DGLUCY: variants seen among roughly 807,000 people sequenced by gnomAD.
DGLUCY encodes the protein D-glutamate cyclase, mitochondrial.
In DGLUCY, 58 loss-of-function variants were observed where a neutral mutation model predicts 58.5. The observed-to-expected ratio is 0.99, with a 90% CI of 0.80 to 1.23. DGLUCY has a LOEUF of 1.23. Among genes scored for constraint, DGLUCY ranks in the 50% most tolerant of loss-of-function variants. The pLI is 0.00. For missense variants in DGLUCY, 779 were observed against 784.7 expected (o/e 0.99, Z 0.09); for synonymous variants, 325 against 314.1 (o/e 1.03, Z -0.37).
intron 1 of DGLUCY, among the ~76,000 whole-genome samples, chr14:91,079,119 G>A (rs112793375): frequency 2.0e-5 from 3 of 151,746 alleles, no homozygotes; most frequent in East Asian, 1.9e-4. Flanking sequence ...GGCCAGGCTG[G>A]TCTCAAACTC....
intron 12 of DGLUCY, 55 bp downstream of exon 12, chr14:91,204,880 G>T: frequency 1.2e-6 from 2 of 1,609,744 alleles, no homozygotes; most frequent in Admixed American, 1.7e-5. Flanking sequence ...GAGCGACCTG[G>T]CTTGGAGCCT....
At chr14:91,061,847 G>A (rs1016688674) in intron 1 of DGLUCY, among the ~76,000 whole-genome samples, 1 of 152,198 alleles carries the variant, frequency 6.6e-6, no homozygotes, top group Non-Finnish European at 1.5e-5. Flanking sequence ...ACTGAAAAGA[G>A]GAGAGAGATA....
chr14:91,189,075 C>T lies in DGLUCY; in HGVS notation c.1100C>T (p.Ala367Val), dbSNP rs546576697. ...CCACCAGGAGCTGTTGCTCTGGTTG[C>T]CTTCCTGCAGGCCTTGGAGAAGGAG... The part of the protein sequence containing the change: ...DGPPGAVALV[A>V]FLQALEKEVA... Residue 367 changes from alanine to valine, a missense_variant, in exon 9 of 14, where the codon GCC (alanine) becomes GTC (valine). Coordinates refer to ENST00000256324, the MANE Select transcript of DGLUCY (RefSeq NM_001102368.3). The T allele has an allele frequency of 5.6e-6, 9 of 1,614,154 alleles. No individual in the cohort carries two copies. The African/African-American group carries it at 9.3e-5, about 17-fold the overall frequency.
chr14:91,199,240 T>G (rs969124172), intron 10 of DGLUCY, among the ~76,000 whole-genome samples: 1 of 151,492 alleles, frequency 6.6e-6, no homozygotes, highest in Non-Finnish European at 1.5e-5. Flanking sequence ...ACTAAAGAAA[T>G]TGCTGAGGAT....
At chr14:91,127,513 C>T (rs914318000) in intron 1 of DGLUCY, among the ~76,000 whole-genome samples, 2 of 152,258 alleles carry the variant, frequency 1.3e-5, no homozygotes, top group South Asian at 4.1e-4. Context: ...TGGCCTCTGC[C>T]CCAACACACT....
At chr14:91,151,017 T>C (rs1460874698) in intron 1 of DGLUCY, among the ~76,000 whole-genome samples, 2 of 152,190 alleles carry the variant, frequency 1.3e-5, no homozygotes, top group Non-Finnish European at 2.9e-5. Flanking sequence ...GCTTTCCATG[T>C]CTGTCCATCT....
exon 1 of DGLUCY, chr14:91,060,540 G>C: frequency 1.6e-6 from 2 of 1,215,408 alleles, no homozygotes; most frequent in South Asian, 7.0e-5. Context: ...GTCGGGGTGC[G>C]GCGGCTCCAG....
intron 1 of DGLUCY, among the ~76,000 whole-genome samples, chr14:91,123,049 G>C (rs2045477012): frequency 6.6e-6 from 1 of 152,156 alleles, no homozygotes. Context: ...CAGGAGACAG[G>C]CACCTGAGCC....
At chr14:91,197,975 A>G (rs967555870) in intron 10 of DGLUCY, among the ~76,000 whole-genome samples, 1 of 152,234 alleles carries the variant, frequency 6.6e-6, no homozygotes, top group Non-Finnish European at 1.5e-5. Context: ...ATACTATTTT[A>G]TATAGCAGAG....
At chr14:91,194,697 C>A (rs1056231586) in intron 9 of DGLUCY, among the ~76,000 whole-genome samples, 1 of 152,038 alleles carries the variant, frequency 6.6e-6, no homozygotes, top group Non-Finnish European at 1.5e-5. Flanking sequence ...CCCGCCACCA[C>A]GCCCAGCTAA....
At position 91,189,001 on chromosome 14, in the gene DGLUCY, T is replaced by A; in HGVS notation, c.1026T>A (p.Thr342=). 6.2e-7 allele frequency: 1 copy of A among 1,614,190 alleles called. No homozygotes were observed. The highest frequency in any genetic ancestry group is 8.5e-7 in the Non-Finnish European group (1 of 1,180,028). The change falls in exon 9 of 14, where the codon ACT becomes ACA. Residue 342 remains threonine, a synonymous_variant. Coordinates refer to ENST00000256324, the MANE Select transcript of DGLUCY (RefSeq NM_001102368.3). ...ATGCCCGCTCAGTGCTCATCACCAC[T>A]GGGTTCCCCACACATTTCAATCATG... The part of the protein sequence containing the change: ...LSHARSVLIT[T]GFPTHFNHEP...
chr14:91,178,657 T>C (rs1453077695), intron 7 of DGLUCY, among the ~76,000 whole-genome samples: 2 of 152,234 alleles, frequency 1.3e-5, no homozygotes, highest in South Asian at 2.1e-4. Context: ...TCAAGACTTT[T>C]TCCCCTTACA....
intron 1 of DGLUCY, among the ~76,000 whole-genome samples, chr14:91,098,820 A>G (rs76937502): frequency 4.4e-4 from 67 of 152,376 alleles, no homozygotes; most frequent in African/African-American, 1.5e-3. Flanking sequence ...TACACTCAGT[A>G]CATATTTATG....
chr14:91,191,293 G>A (rs1358371847), intron 9 of DGLUCY, among the ~76,000 whole-genome samples: 4 of 152,200 alleles, frequency 2.6e-5, no homozygotes, highest in African/African-American at 7.2e-5. Flanking sequence ...CCAGTGGCTG[G>A]GAGGAGAGGG....
intron 5 of DGLUCY, among the ~76,000 whole-genome samples, chr14:91,171,666 C>T (rs375656811): frequency 1.3e-5 from 2 of 152,234 alleles, no homozygotes; most frequent in African/African-American, 4.8e-5. Context: ...GTGGCCAAGA[C>T]TGTCACAGTG....
chr14:91,137,949 G>A (rs2046436885), intron 1 of DGLUCY, among the ~76,000 whole-genome samples: 1 of 152,066 alleles, frequency 6.6e-6, no homozygotes, highest in African/African-American at 2.4e-5. Context: ...GCATGACAAA[G>A]CACCAAACTT....
upstream of DGLUCY, among the ~76,000 whole-genome samples, chr14:91,103,068 C>T (rs891684664): frequency 6.6e-6 from 1 of 151,960 alleles, no homozygotes; most frequent in Non-Finnish European, 1.5e-5. Context: ...GGCACCCCCT[C>T]CGTTCTTGAT....
At chr14:91,207,188 A>G (rs1884883232) in intron 12 of DGLUCY, among the ~76,000 whole-genome samples, 1 of 136,080 alleles carries the variant, frequency 7.3e-6, no homozygotes, top group African/African-American at 2.6e-5. Flanking sequence ...GAGGAAGTAG[A>G]TAGAGATCAA....
At chr14:91,206,484 A>G (rs1884726439) in intron 12 of DGLUCY, among the ~76,000 whole-genome samples, 2 of 151,894 alleles carry the variant, frequency 1.3e-5, no homozygotes, top group South Asian at 4.1e-4. Flanking sequence ...CCGGGTTCAA[A>G]CTATTCTTAT....
Sources: allele counts gnomAD v4.1 joint callset (sites outside exome capture counted in the v4.1 genomes callset), GRCh38; gene constraint gnomAD v4.1.1; transcripts MANE v1.5; gene names NCBI Gene and HGNC (gene_info 2026-07-23, HGNC 2026-07-21).